The following RUNX1 variants were observed in gnomAD, a reference collection of about 807,000 sequenced individuals.
RUNX1 encodes the protein RUNX family transcription factor 1, also known as runt-related transcription factor 1.
In RUNX1, 19 loss-of-function variants were observed where a neutral mutation model predicts 42.8. That is an observed-to-expected ratio of 0.44 (90% CI 0.31 to 0.65). The LOEUF is 0.65. Among genes scored for constraint, RUNX1 ranks in the 30% least tolerant of loss-of-function variants. The probability of loss-of-function intolerance (pLI) is 0.07; values close to 1 mark genes in which losing one functional copy is unlikely to be tolerated. For missense variants in RUNX1, 528 were observed against 672.0 expected, an observed-to-expected ratio of 0.79 and a Z score of 2.37; for synonymous variants, 271 against 289.4, an observed-to-expected ratio of 0.94 and a Z score of 0.64.
chr21:34,891,496 C>A (rs561508422), intron 3 of RUNX1, among the ~76,000 whole-genome samples: 3 of 152,074 alleles, frequency 2.0e-5, no homozygotes, highest in African/African-American at 7.2e-5. Flanking sequence ...ACCCCTTAGT[C>A]GGCCGGGCAT....
intron 2 of RUNX1, among the ~76,000 whole-genome samples, chr21:34,993,734 CACACAGAG>C (rs1231199451): frequency 1.5e-5 from 2 of 133,804 alleles, no homozygotes; most frequent in African/African-American, 7.8e-5. Context: ...CACACACAGA[CACACAGAG>C]ACACACACAC....
rs2056907264 is a variant in RUNX1, at chr21:34,821,479, A to G, written c.805+12931T>C. The stretch of plus-strand genomic sequence containing the variant: ...ACAATTGTCCCATGTGTTAGGAACT[A>G]TTATTGTTACGACGGTTTGCAGAGG... On this transcript the variant is annotated intron_variant, in intron 7 of 8. Coordinates refer to ENST00000675419, the MANE Select transcript of RUNX1 (RefSeq NM_001754.5). 7 of 1,436,186 alleles carry G rather than the reference A, an allele frequency of 4.9e-6. No homozygotes were observed. The African/African-American group carries it at 7.0e-5, about 14-fold the overall frequency. 89.0% of individuals were successfully genotyped at this position (1,436,186 alleles called of 1,614,324 possible).
At chr21:34,977,209 A>G (rs928233109) in intron 2 of RUNX1, among the ~76,000 whole-genome samples, 1 of 152,238 alleles carries the variant, frequency 6.6e-6, no homozygotes, top group African/African-American at 2.4e-5. Flanking sequence ...GAAAAATTTG[A>G]AAAATAAGAG....
intron 2 of RUNX1, among the ~76,000 whole-genome samples, chr21:34,937,129 C>T (rs1029462306): frequency 7.3e-4 from 111 of 152,114 alleles, no homozygotes; most frequent in African/African-American, 2.6e-3. Flanking sequence ...TGTCACCTGT[C>T]ACCTAATAAA....
chr21:35,035,427 G>T (rs987286645), intron 2 of RUNX1, among the ~76,000 whole-genome samples: 1 of 152,220 alleles, frequency 6.6e-6, no homozygotes, highest in Non-Finnish European at 1.5e-5. Context: ...GAAAGCCGAA[G>T]AGAATCTGGA....
intron 5 of RUNX1, among the ~76,000 whole-genome samples, chr21:34,876,217 A>C (rs1392967037): frequency 1.3e-5 from 2 of 152,182 alleles, no homozygotes; most frequent in Non-Finnish European, 2.9e-5. Flanking sequence ...TTTACCCGTG[A>C]TGATATGTGG....
intron 2 of RUNX1, among the ~76,000 whole-genome samples, chr21:35,022,532 T>C (rs529188269): frequency 6.6e-6 from 1 of 152,200 alleles, no homozygotes; most frequent in Non-Finnish European, 1.5e-5. Flanking sequence ...CAACACTCTA[T>C]GTTAGAGCAT....
chr21:34,981,616 T>C (rs948778303), intron 2 of RUNX1, among the ~76,000 whole-genome samples: 1 of 152,230 alleles, frequency 6.6e-6, no homozygotes, highest in African/African-American at 2.4e-5. Flanking sequence ...TTTACAAATA[T>C]TTGGATCCAC....
chr21:34,811,908 C>T (rs2056763636), intron 7 of RUNX1, among the ~76,000 whole-genome samples: 1 of 152,048 alleles, frequency 6.6e-6, no homozygotes. Context: ...GTTTATTATA[C>T]CTCTGAAACT....
At chr21:35,044,838 G>A (rs571832913) in intron 2 of RUNX1, among the ~76,000 whole-genome samples, 1 of 152,310 alleles carries the variant, frequency 6.6e-6, no homozygotes, top group South Asian at 2.1e-4. Flanking sequence ...ATGTAGGAAC[G>A]TCTCAGCTAC....
intron 2 of RUNX1, among the ~76,000 whole-genome samples, chr21:35,026,679 G>T (rs1177447043): frequency 6.6e-6 from 1 of 152,222 alleles, no homozygotes; most frequent in African/African-American, 2.4e-5. Flanking sequence ...ATCCGCCCGG[G>T]GACTTGTTGG....
chr21:34,969,698 A>C (rs2058747252), intron 2 of RUNX1, among the ~76,000 whole-genome samples: 1 of 151,902 alleles, frequency 6.6e-6, no homozygotes, highest in Non-Finnish European at 1.5e-5. Context: ...AAAAAAAAAC[A>C]GCAAAATTCA....
intron 7 of RUNX1, among the ~76,000 whole-genome samples, chr21:34,803,822 C>T (rs980307332): frequency 6.6e-6 from 1 of 152,146 alleles, no homozygotes; most frequent in Non-Finnish European, 1.5e-5. Flanking sequence ...CGGCATATAT[C>T]ACACAAGAAG....
intron 2 of RUNX1, among the ~76,000 whole-genome samples, chr21:35,045,887 C>T (rs1430580166): frequency 1.3e-5 from 2 of 152,082 alleles, no homozygotes; most frequent in East Asian, 1.9e-4. Flanking sequence ...GAGTCGGTCT[C>T]GCTGAGATTT....
intron 2 of RUNX1, among the ~76,000 whole-genome samples, chr21:34,937,607 G>A (rs2058495922): frequency 6.6e-6 from 1 of 151,732 alleles, no homozygotes; most frequent in South Asian, 2.1e-4. Context: ...AAAAATTTCT[G>A]AGAAATTGGA....
At chr21:34,951,025 G>A (rs2058603016) in intron 2 of RUNX1, among the ~76,000 whole-genome samples, 1 of 152,248 alleles carries the variant, frequency 6.6e-6, no homozygotes, top group Admixed American at 6.5e-5. Context: ...TGTTAGAAGA[G>A]ACATTAGCAG....
chr21:35,012,862 G>T (rs1050614393), intron 2 of RUNX1, among the ~76,000 whole-genome samples: 2 of 152,158 alleles, frequency 1.3e-5, no homozygotes, highest in Non-Finnish European at 2.9e-5. Flanking sequence ...ATGGTAAAAT[G>T]TCAGACAATA....
chr21:35,024,465 A>G (rs183313396), intron 2 of RUNX1, among the ~76,000 whole-genome samples: 115 of 152,336 alleles, frequency 7.5e-4, no homozygotes, highest in African/African-American at 2.7e-3. Flanking sequence ...CTAATACAAC[A>G]CAATGTCTTT....
At chr21:34,812,604 C>CA (rs919045069) in intron 7 of RUNX1, among the ~76,000 whole-genome samples, 9 of 152,208 alleles carry the variant, frequency 5.9e-5, no homozygotes, top group African/African-American at 1.7e-4. Flanking sequence ...ATGACACACA[C>CA]AAAACCGCTT....
Sources: gnomAD v4.1 joint callset for allele counts (sites outside exome capture counted in the v4.1 genomes callset) on GRCh38, gnomAD v4.1.1 for gene constraint, MANE v1.5 for transcripts, NCBI Gene and HGNC (gene_info 2026-07-23, HGNC 2026-07-21) for gene names.